Variants in CDH8 observed in about 807,000 individuals in gnomAD.
CDH8 encodes cadherin 8.
CDH8 carries 17 observed loss-of-function variants against 68.1 expected under a neutral mutation model. The ratio of observed to expected loss-of-function variants is 0.25; its 90% CI spans 0.17 to 0.37. The LOEUF is 0.37. Among genes scored for constraint, CDH8 ranks in the 10% least tolerant of loss-of-function variants. The pLI is 1.00. For missense variants in CDH8, 763 were observed against 999.3 expected, an observed-to-expected ratio of 0.76 and a Z score of 3.19; for synonymous variants, 372 against 365.1, an observed-to-expected ratio of 1.02 and a Z score of -0.21.
At chr16:61,814,369 C>T (rs145558463) in intron 7 of CDH8, among the ~76,000 whole-genome samples, 34 of 152,224 alleles carry the variant, frequency 2.2e-4, no homozygotes, top group African/African-American at 7.7e-4. Context: ...GGTAAGATGA[C>T]GGATTTTTCT....
chr16:61,750,526 C>T (rs944279600), intron 8 of CDH8, among the ~76,000 whole-genome samples: 5 of 152,102 alleles, frequency 3.3e-5, no homozygotes, highest in African/African-American at 7.2e-5. Flanking sequence ...TTCCATCTCA[C>T]GTGGTTCTTA....
At chr16:61,998,140 A>G (rs1269192058) in intron 2 of CDH8, among the ~76,000 whole-genome samples, 2 of 152,204 alleles carry the variant, frequency 1.3e-5, no homozygotes, top group East Asian at 1.9e-4. Context: ...TGCTGGAAAA[A>G]GGTTTAGAAG....
intron 2 of CDH8, among the ~76,000 whole-genome samples, chr16:62,011,426 G>C (rs1901810520): frequency 6.6e-6 from 1 of 152,122 alleles, no homozygotes; most frequent in South Asian, 2.1e-4. Flanking sequence ...CCTACCACAT[G>C]GGGTTCAAAT....
chr16:61,693,974 T>C (rs1384349319), intron 10 of CDH8, among the ~76,000 whole-genome samples: 1 of 152,178 alleles, frequency 6.6e-6, no homozygotes, highest in Non-Finnish European at 1.5e-5. Context: ...CTCATTATCA[T>C]ATATAATCCT....
Position 61,654,051 on chromosome 16 carries a change from T to A in CDH8, c.1957A>T (p.Ile653Phe), listed in dbSNP as rs776916277. 6.2e-7 allele frequency: 1 copy of A among 1,614,130 alleles called. No individual in the cohort carries two copies. The highest frequency in any genetic ancestry group is 8.5e-7 in the Non-Finnish European group (1 of 1,180,014). ...TLRRHKNEPL[I>F]IKDDEDVREN... ...CGAACGTCTTCATCATCTTTGATAATTAATGGTTCATTTTTATGCCGCCGT... is the reference window on the plus strand; with the variant it reads ...CGAACGTCTTCATCATCTTTGATAAATAATGGTTCATTTTTATGCCGCCGT... The change falls in exon 12 of 12, where the codon ATT (isoleucine) becomes TTT (phenylalanine). Residue 653 changes from isoleucine to phenylalanine, a missense_variant. This residue lies in a region of CDH8 where 397 missense variants were observed against 436.2 expected (regional missense o/e 0.91). Transcript: ENST00000577390.
intron 7 of CDH8, among the ~76,000 whole-genome samples, chr16:61,810,898 C>T (rs954802519): frequency 6.6e-6 from 1 of 151,830 alleles, no homozygotes; most frequent in South Asian, 2.1e-4. Flanking sequence ...GTGGTGCATG[C>T]CTGTGTTCCC....
rs904433505 is a variant in CDH8 at position 62,028,052 on chromosome 16, G to A, written c.-199-6450C>T. 3.6e-4 allele frequency among the ~76,000 whole-genome samples: 53 copies of A among 147,082 alleles called. No homozygotes were observed. In the Admixed American group the frequency reaches 3.6e-3, roughly 10 times the overall value. ...TGTTTTGACATCCAGAATAATATCT[G>A]TCAAATCCATTTTTTTTTTTTTTTT... On this transcript the variant is annotated intron_variant, in intron 1 of 11. Transcript: ENST00000577390.
At chr16:61,733,822 T>C (rs1959602922) in intron 8 of CDH8, among the ~76,000 whole-genome samples, 1 of 152,030 alleles carries the variant, frequency 6.6e-6, no homozygotes, top group Non-Finnish European at 1.5e-5. Context: ...AACTCGTTGA[T>C]TCTTGAGCCC....
intron 8 of CDH8, among the ~76,000 whole-genome samples, chr16:61,737,205 A>T (rs149304067): frequency 2.4e-4 from 36 of 152,290 alleles, no homozygotes; most frequent in African/African-American, 8.2e-4. Flanking sequence ...CTGTTTTTGC[A>T]GGCATCGATT....
chr16:61,838,995 A>C (rs984084501), intron 4 of CDH8, among the ~76,000 whole-genome samples: 1 of 152,144 alleles, frequency 6.6e-6, no homozygotes, highest in Admixed American at 6.6e-5. Flanking sequence ...AGTACAGCAT[A>C]ATAAGTGACT....
intron 3 of CDH8, among the ~76,000 whole-genome samples, chr16:61,867,261 G>A (rs1180192442): frequency 6.6e-6 from 1 of 152,032 alleles, no homozygotes; most frequent in Non-Finnish European, 1.5e-5. Flanking sequence ...AAGTAAATTA[G>A]GCTAATCTCC....
intron 2 of CDH8, among the ~76,000 whole-genome samples, chr16:61,982,248 C>A (rs573914657): frequency 1.3e-5 from 2 of 152,046 alleles, no homozygotes; most frequent in South Asian, 4.2e-4. Flanking sequence ...AAGACAGAGT[C>A]TCGCTCTATC....
At chr16:61,889,255 T>C (rs892592847) in intron 3 of CDH8, among the ~76,000 whole-genome samples, 1 of 152,110 alleles carries the variant, frequency 6.6e-6, no homozygotes, top group African/African-American at 2.4e-5. Context: ...GTGGGGAGAA[T>C]AGAAAAAATT....
At chr16:61,714,797 T>C (rs1964693092) in intron 9 of CDH8, among the ~76,000 whole-genome samples, 1 of 151,686 alleles carries the variant, frequency 6.6e-6, no homozygotes, top group East Asian at 1.9e-4. Flanking sequence ...TATACTCCTA[T>C]AGTGATAATA....
chr16:61,782,732 C>A (rs551153373), intron 8 of CDH8, among the ~76,000 whole-genome samples: 4,586 of 152,222 alleles, frequency 0.03, 209 homozygotes, highest in African/African-American at 0.11. Context: ...CAGCATGCAG[C>A]TGGAGATCTG....
chr16:61,857,284 C>G, intron 3 of CDH8, 46 bp from the exon 4 acceptor site: 1 of 1,541,154 alleles, frequency 6.5e-7, no homozygotes, highest in South Asian at 1.1e-5. Context: ...ACACATTGTC[C>G]TTTGCCAAGA....
intron 3 of CDH8, among the ~76,000 whole-genome samples, chr16:61,861,436 A>T (rs1018541421): frequency 6.6e-6 from 1 of 152,212 alleles, no homozygotes; most frequent in Non-Finnish European, 1.5e-5. Context: ...AAGACTGATG[A>T]TGAACATATC....
chr16:61,844,040 C>T (rs1409650953), intron 4 of CDH8, among the ~76,000 whole-genome samples: 5 of 151,866 alleles, frequency 3.3e-5, no homozygotes, highest in South Asian at 2.1e-4. Flanking sequence ...TGTCCAACAA[C>T]GATAGACTGG....
At chr16:61,968,749 C>A (rs150738027) in intron 2 of CDH8, among the ~76,000 whole-genome samples, 1 of 152,272 alleles carries the variant, frequency 6.6e-6, no homozygotes, top group Non-Finnish European at 1.5e-5. Flanking sequence ...TGGCCCAGGC[C>A]CCCACAGCTT....
Sources: allele counts gnomAD v4.1 joint callset (sites outside exome capture counted in the v4.1 genomes callset), GRCh38; gene constraint gnomAD v4.1.1; regional missense constraint gnomAD v4.1.1; transcripts MANE v1.5; gene names NCBI Gene and HGNC (gene_info 2026-07-23, HGNC 2026-07-21).